PREP: variants seen among roughly 807,000 people sequenced by gnomAD.
The protein encoded by PREP is prolyl endopeptidase.
A neutral mutation model predicts 87.6 loss-of-function variants in PREP; 29 were observed. That is an observed-to-expected ratio of 0.33 (90% CI 0.25 to 0.45). PREP has a LOEUF of 0.45. PREP is among the 20% of genes least tolerant of loss of function. The probability of loss-of-function intolerance (pLI) is 1.00; values close to 1 mark genes in which losing one functional copy is unlikely to be tolerated. For missense variants in PREP, 695 were observed against 886.5 expected (o/e 0.78, Z 2.74); for synonymous variants, 337 against 328.6 (o/e 1.03, Z -0.28).
chr6:105,390,886 C>T (rs1262612916), intron 2 of PREP, among the ~76,000 whole-genome samples: 1 of 151,996 alleles, frequency 6.6e-6, no homozygotes, highest in Non-Finnish European at 1.5e-5. Context: ...AGAGATGCTG[C>T]CTCCATGATG....
At chr6:105,364,424 G>T (rs1028541554) in intron 6 of PREP, among the ~76,000 whole-genome samples, 15 of 152,224 alleles carry the variant, frequency 9.9e-5, no homozygotes, top group Admixed American at 9.8e-4. Context: ...GAAGAAGGAA[G>T]ATGAGTCACG....
chr6:105,373,538 A>C lies in PREP; in HGVS notation c.426T>G (p.Gly142=). The C allele has an allele frequency of 6.2e-7, 1 of 1,614,192 alleles. No homozygotes were observed. Among genetic ancestry groups the C allele is most frequent in the Non-Finnish European group, 8.5e-7 (1 of 1,180,026 alleles). The change falls in exon 5 of 15, where the codon GGT becomes GGG. Residue 142 remains glycine (G), a synonymous_variant. Coordinates refer to ENST00000652536, the MANE Select transcript of PREP (RefSeq NM_002726.5). Reference sequence around the variant, plus strand: ...CCCAGTCTGAGCCACTGGCACTCAGACCATAGGCAAAATATTCACCATCTT... The same window carrying C: ...CCCAGTCTGAGCCACTGGCACTCAGCCCATAGGCAAAATATTCACCATCTT... ...FSEDGEYFAY[G]LSASGSDWVT...
At chr6:105,309,150 A>T (rs1189923) in intron 10 of PREP, among the ~76,000 whole-genome samples, 10,975 of 151,998 alleles carry the variant, frequency 0.072, 1,330 homozygotes, top group African/African-American at 0.24. Flanking sequence ...TGGGGTCTCA[A>T]GGGCATTGCT....
intron 5 of PREP, among the ~76,000 whole-genome samples, chr6:105,370,166 T>G (rs1007454221): frequency 6.6e-6 from 1 of 151,456 alleles, no homozygotes; most frequent in African/African-American, 2.4e-5. Context: ...ATACAAGAAT[T>G]GCTTGAACCC....
chr6:105,294,051 T>C (rs1238902231), intron 10 of PREP, among the ~76,000 whole-genome samples: 1 of 152,162 alleles, frequency 6.6e-6, no homozygotes, highest in African/African-American at 2.4e-5. Context: ...ATTTGCTGGG[T>C]CAGGAGAAGA....
intron 10 of PREP, among the ~76,000 whole-genome samples, chr6:105,301,277 C>G (rs184733034): frequency 2.0e-5 from 3 of 152,316 alleles, no homozygotes; most frequent in Admixed American, 2.0e-4. Flanking sequence ...CCCTTTTTAT[C>G]AGAGTTGACA....
chr6:105,329,021 T>A lies in PREP; in HGVS notation c.1021A>T (p.Ile341Leu), dbSNP rs1771249629. 2 of 1,613,016 alleles carry A rather than the reference T, an allele frequency of 1.2e-6. No individual in the cohort carries two copies. The highest frequency in any genetic ancestry group is 2.7e-5 in the African/African-American group (2 of 74,860). ...PEHEKDVLEWIACVRSNFLVL... is the reference protein window; with the variant it reads ...PEHEKDVLEWLACVRSNFLVL... ...AAGAAGTTGGACCTGACACAAGCTA[T>A]CCATTCTGAAAGGATAAGAAGAGAA... The change falls in exon 9 of 15, where the codon ATA becomes TTA. Residue 341 changes from isoleucine (I) to leucine (L), a missense_variant. This residue lies in a region of PREP where 517 missense variants were observed against 620.3 expected (regional missense o/e 0.83). Transcript: ENST00000652536.
chr6:105,308,883 G>A (rs574245911), intron 10 of PREP, among the ~76,000 whole-genome samples: 5 of 152,234 alleles, frequency 3.3e-5, no homozygotes, highest in Middle Eastern at 3.4e-3. Context: ...ATGGAGATAC[G>A]GGTAAGTGAG....
chr6:105,375,010 T>C (rs1346889003), intron 4 of PREP, among the ~76,000 whole-genome samples: 17 of 152,058 alleles, frequency 1.1e-4, no homozygotes, highest in Admixed American at 1.1e-3. Context: ...AATTCCTATA[T>C]GGGATATGTT....
intron 10 of PREP, among the ~76,000 whole-genome samples, chr6:105,297,858 C>G (rs186312972): frequency 2.0e-5 from 3 of 152,274 alleles, no homozygotes; most frequent in Admixed American, 2.0e-4. Context: ...CTACAAGCAC[C>G]ACCAAAGAAT....
At chr6:105,381,684 G>A (rs189288371) in intron 2 of PREP, among the ~76,000 whole-genome samples, 211 of 152,240 alleles carry the variant, frequency 1.4e-3, no homozygotes, top group Non-Finnish European at 2.4e-3. Flanking sequence ...TCCTAGCAAA[G>A]AGTAGCTGCT....
intron 12 of PREP, among the ~76,000 whole-genome samples, chr6:105,283,456 A>C (rs1196944540): frequency 6.6e-6 from 1 of 152,242 alleles, no homozygotes; most frequent in Non-Finnish European, 1.5e-5. Flanking sequence ...CTTGAGATTA[A>C]CCACTTCTGC....
intron 14 of PREP, chr6:105,281,326 A>G (rs1018370333): frequency 6.5e-6 from 1 of 154,322 alleles, no homozygotes; most frequent in Non-Finnish European, 1.4e-5. Context: ...ATCCTTTACA[A>G]GCTTCCAATT....
At chr6:105,323,841 A>G (rs1407667653) in intron 9 of PREP, 73 bp from the exon 10 acceptor site, 14 of 1,263,624 alleles carry the variant, frequency 1.1e-5, no homozygotes, top group Non-Finnish European at 1.6e-5. Context: ...ATCACAAACC[A>G]CAACCAAATG....
chr6:105,284,638 G>T (rs940355991), intron 12 of PREP, among the ~76,000 whole-genome samples: 1 of 152,164 alleles, frequency 6.6e-6, no homozygotes, highest in Non-Finnish European at 1.5e-5. Flanking sequence ...GCTGATGGAG[G>T]TGAAGGTGCT....
At chr6:105,328,711 G>T in intron 9 of PREP, 118 bp downstream of exon 9, 2 of 1,066,074 alleles carry the variant, frequency 1.9e-6, no homozygotes, top group Non-Finnish European at 2.7e-6. Flanking sequence ...AAGTAATTTT[G>T]GCTATAATAC....
intron 9 of PREP, among the ~76,000 whole-genome samples, chr6:105,327,137 A>G (rs78190773): frequency 0.031 from 4,765 of 152,240 alleles, 240 homozygotes; most frequent in African/African-American, 0.099. Flanking sequence ...ATCCATTTAA[A>G]CTATTTAAGA....
intron 2 of PREP, among the ~76,000 whole-genome samples, chr6:105,391,060 C>CA (rs1554212310): frequency 1.4e-5 from 2 of 140,160 alleles, no homozygotes. Flanking sequence ...CACACACACA[C>CA]TTTTTTTTTT....
intron 8 of PREP, among the ~76,000 whole-genome samples, chr6:105,329,571 T>C (rs1225843369): frequency 6.6e-6 from 1 of 152,186 alleles, no homozygotes; most frequent in Non-Finnish European, 1.5e-5. Flanking sequence ...ACCTAGATAA[T>C]GTGTGGAATA....
Sources: allele counts gnomAD v4.1 joint callset (sites outside exome capture counted in the v4.1 genomes callset), GRCh38; gene constraint gnomAD v4.1.1; regional missense constraint gnomAD v4.1.1; transcripts MANE v1.5; gene names NCBI Gene and HGNC (gene_info 2026-07-23, HGNC 2026-07-21).